Variants in MAST4 observed in about 807,000 individuals in gnomAD.
MAST4 encodes the protein microtubule-associated serine/threonine-protein kinase 4.
A neutral mutation model predicts 162.7 loss-of-function variants in MAST4; 89 were observed. The observed-to-expected ratio is 0.55, with a 90% CI of 0.46 to 0.65. The LOEUF is 0.65. Ranked by LOEUF, MAST4 falls within the 30% of genes least tolerant of loss-of-function variation. The pLI is 0.00. For synonymous variants in MAST4, 1,479 were observed against 1,361.1 expected (o/e 1.09, Z -1.91); for missense variants, 3,153 against 3,374.0 (o/e 0.93, Z 1.62).
chr5:66,853,776 T>C (rs965026), intron 3 of MAST4, among the ~76,000 whole-genome samples: 1 of 152,216 alleles, frequency 6.6e-6, no homozygotes, highest in African/African-American at 2.4e-5. Flanking sequence ...GGATTTTTTG[T>C]GGAAAAGGAA....
intron 14 of MAST4, among the ~76,000 whole-genome samples, chr5:67,122,565 C>T (rs1767713354): frequency 6.6e-6 from 1 of 152,022 alleles, no homozygotes; most frequent in Non-Finnish European, 1.5e-5. Flanking sequence ...TTTTTTAGTT[C>T]TTTACACTTT....
chr5:66,954,624 G>C (rs184126583), intron 4 of MAST4, among the ~76,000 whole-genome samples: 1 of 152,200 alleles, frequency 6.6e-6, no homozygotes, highest in Non-Finnish European at 1.5e-5. Flanking sequence ...AGAAAGCCTG[G>C]GCGTGGTGTC....
Position 66,597,010 on chromosome 5 carries a change from G to A in MAST4, c.355G>A (p.Asp119Asn), listed in dbSNP as rs1190476734. ...RGSSASQEEQDEELDHILSPP... is the reference protein window; with the variant it reads ...RGSSASQEEQNEELDHILSPP... The stretch of plus-strand genomic sequence containing the variant: ...CAGCAGCGCGTCCCAGGAGGAGCAG[G>A]ACGAGGAGGTGGGCCTTTCCCCAGC... Residue 119 changes from aspartate to asparagine, a missense_variant, in exon 1 of 29, where the codon GAC (aspartate) becomes AAC (asparagine). By Grantham distance (23) the Asp-to-Asn change is conservative. This residue lies in a region of MAST4 where 327 missense variants were observed against 336.5 expected (regional missense o/e 0.97). Transcript: ENST00000403625. 3.5e-6 allele frequency: 5 copies of A among 1,447,776 alleles called. No homozygotes were observed. The highest frequency in any genetic ancestry group is 4.5e-6 in the Non-Finnish European group (5 of 1,106,696). The allele number at this position is 1,447,776 out of a possible 1,614,324, so 89.7% of individuals were successfully genotyped here. A position where few individuals can be genotyped will look rare whatever the true frequency, so the allele number is the denominator to read the frequency against.
At chr5:67,102,360 T>C in intron 8 of MAST4, 176 bp from the exon 9 acceptor site, 5 of 668,260 alleles carry the variant, frequency 7.5e-6, no homozygotes, top group Non-Finnish European at 1.4e-5. Flanking sequence ...TCTTTGTGTT[T>C]ATGGGAATGT....
At chr5:66,972,821 C>A (rs1332856019) in intron 4 of MAST4, among the ~76,000 whole-genome samples, 1 of 152,190 alleles carries the variant, frequency 6.6e-6, no homozygotes, top group Non-Finnish European at 1.5e-5. Context: ...TTCCGTGATC[C>A]GGCTTCCTGC....
At chr5:67,129,040 C>T (rs1768599496) in intron 14 of MAST4, among the ~76,000 whole-genome samples, 1 of 152,170 alleles carries the variant, frequency 6.6e-6, no homozygotes, top group African/African-American at 2.4e-5. Flanking sequence ...TCATTGGGTC[C>T]CTTGTCTTTA....
At chr5:67,109,557 T>C (rs1380086946) in intron 10 of MAST4, among the ~76,000 whole-genome samples, 1 of 152,188 alleles carries the variant, frequency 6.6e-6, no homozygotes, top group African/African-American at 2.4e-5. Flanking sequence ...AACTGGTATA[T>C]ACTTTATCCA....
chr5:67,039,165 T>A (rs1427863421), intron 4 of MAST4, among the ~76,000 whole-genome samples: 2 of 152,216 alleles, frequency 1.3e-5, no homozygotes, highest in African/African-American at 4.8e-5. Context: ...AAATAATAAG[T>A]GGAAGTAAGC....
chr5:67,004,927 T>G, intron 4 of MAST4: 2 of 687,638 alleles, frequency 2.9e-6, no homozygotes, highest in Non-Finnish European at 5.4e-6. Context: ...TCTTTCTTCC[T>G]TTTTTTTACC....
chr5:66,947,365 C>T (rs1320463196), intron 4 of MAST4, among the ~76,000 whole-genome samples: 1 of 152,160 alleles, frequency 6.6e-6, no homozygotes, highest in Non-Finnish European at 1.5e-5. Flanking sequence ...CCCTATCCAT[C>T]TCCCTACAAA....
chr5:67,138,843 T>C (rs1263584833), intron 19 of MAST4, among the ~76,000 whole-genome samples: 1 of 152,224 alleles, frequency 6.6e-6, no homozygotes, highest in Admixed American at 6.5e-5. Flanking sequence ...TTTCGGATTT[T>C]AAATGTTCAG....
chr5:66,984,002 A>G (rs1408352885), intron 4 of MAST4, among the ~76,000 whole-genome samples: 1 of 152,186 alleles, frequency 6.6e-6, no homozygotes, highest in Non-Finnish European at 1.5e-5. Context: ...AGTGTTTTTG[A>G]GAAGCTACCA....
chr5:66,842,338 G>C (rs1758485895), intron 3 of MAST4, among the ~76,000 whole-genome samples: 1 of 152,152 alleles, frequency 6.6e-6, no homozygotes, highest in Admixed American at 6.6e-5. Flanking sequence ...AAATGCTTTT[G>C]TTTTAAATGG....
intron 4 of MAST4, among the ~76,000 whole-genome samples, chr5:66,989,900 A>C (rs1159796556): frequency 2.6e-5 from 4 of 152,166 alleles, no homozygotes; most frequent in Non-Finnish European, 4.4e-5. Context: ...CAGACACATA[A>C]ATAAATGAGC....
intron 3 of MAST4, chr5:66,870,965 T>A: frequency 2.5e-6 from 1 of 404,454 alleles, no homozygotes; most frequent in Non-Finnish European, 5.0e-6. Flanking sequence ...CTTTAGAATA[T>A]GGATATTGAG....
At position 66,693,103 on chromosome 5, in the gene MAST4, C is replaced by T. The variant is rs193247678; in HGVS notation, c.364-66606C>T. Among the ~76,000 whole-genome samples the T allele has an allele frequency of 3.2e-4, 48 of 150,956 alleles. No individual in the cohort carries two copies. In the East Asian group the frequency reaches 8.8e-3, roughly 28 times the overall value. ...ATAGTTTTTAGGGATCAGCAGGTCT[C>T]TTGCTCTATTTAATATGTTATTGGG... On this transcript the variant is annotated intron_variant, in intron 1 of 28. Coordinates refer to ENST00000403625, the MANE Select transcript of MAST4 (RefSeq NM_001164664.2).
intron 1 of MAST4, among the ~76,000 whole-genome samples, chr5:66,715,559 T>C (rs1434853955): frequency 2.0e-5 from 3 of 150,110 alleles, no homozygotes; most frequent in Admixed American, 2.0e-4. Flanking sequence ...TTAGGAGATA[T>C]ACCTAATGCT....
chr5:67,044,176 C>CT (rs1028251732), intron 4 of MAST4, among the ~76,000 whole-genome samples: 2 of 152,200 alleles, frequency 1.3e-5, no homozygotes, highest in African/African-American at 2.4e-5. Context: ...CTTTCCAGTA[C>CT]TCTCTTCCCA....
chr5:66,948,158 T>A (rs1744252535), intron 4 of MAST4, among the ~76,000 whole-genome samples: 1 of 152,098 alleles, frequency 6.6e-6, no homozygotes, highest in African/African-American at 2.4e-5. Context: ...AGTTCCCAAG[T>A]TGGCTGAGCA....
Sources: allele counts gnomAD v4.1 joint callset (sites outside exome capture counted in the v4.1 genomes callset), GRCh38; gene constraint gnomAD v4.1.1; regional missense constraint gnomAD v4.1.1; transcripts MANE v1.5; gene names NCBI Gene and HGNC (gene_info 2026-07-23, HGNC 2026-07-21).